DLG2: variants seen among roughly 807,000 people sequenced by gnomAD.
DLG2 encodes the protein discs large MAGUK scaffold protein 2, also known as disks large homolog 2.
Under a neutral mutation model 132.5 loss-of-function variants are expected in DLG2, and 45 were observed. The observed-to-expected ratio is 0.34, with a 90% CI of 0.27 to 0.44. The LOEUF is 0.44. DLG2 is among the 20% of genes least tolerant of loss of function. The probability of loss-of-function intolerance (pLI) is 1.00; values close to 1 mark genes in which losing one functional copy is unlikely to be tolerated. For missense variants in DLG2, 1,045 were observed against 1,196.9 expected (o/e 0.87, Z 1.87); for synonymous variants, 424 against 419.6 (o/e 1.01, Z -0.13).
chr11:83,682,355 CAG>C (rs1387543553), intron 18 of DLG2: 3 of 985,406 alleles, frequency 3.0e-6, no homozygotes, highest in Non-Finnish European at 3.6e-6. Flanking sequence ...TTTTACATCA[CAG>C]GGGGTGACCA....
intron 18 of DLG2, among the ~76,000 whole-genome samples, chr11:83,633,986 C>T (rs2064143836): frequency 6.6e-6 from 1 of 151,778 alleles, no homozygotes; most frequent in Non-Finnish European, 1.5e-5. Flanking sequence ...AAAAAAAACT[C>T]CATGGGAATC....
chr11:84,581,357 A>C (rs751778062), intron 6 of DLG2, among the ~76,000 whole-genome samples: 3 of 152,100 alleles, frequency 2.0e-5, no homozygotes, highest in Non-Finnish European at 4.4e-5. Context: ...ACTATATACT[A>C]TATTTATTTC....
Position 85,001,773 on chromosome 11 carries a change from G to C in DLG2, c.357+109888C>G, listed in dbSNP as rs943046185. Among the ~76,000 whole-genome samples, 3 of 152,276 alleles carry C rather than the reference G, an allele frequency of 2.0e-5. No homozygotes were observed. In the South Asian group the frequency reaches 6.2e-4, roughly 32 times the overall value. ...TAAACTATTGACTTTGGGTGATAAC[G>C]ATGTGTCAATATAGGTTCATTAACT... is the stretch of plus-strand genomic sequence containing the variant. On this transcript the variant is annotated intron_variant, in intron 6 of 27. Transcript: ENST00000376104.
intron 6 of DLG2, among the ~76,000 whole-genome samples, chr11:84,539,175 A>G (rs868153039): frequency 6.6e-6 from 1 of 152,138 alleles, no homozygotes; most frequent in South Asian, 2.1e-4. Flanking sequence ...TCTTTATCTT[A>G]GACTCAGATA....
At position 84,113,717 on chromosome 11, in the gene DLG2, T is replaced by C. The variant is rs1014896541; in HGVS notation, c.625-14670A>G. Among the ~76,000 whole-genome samples, 56 of 152,188 alleles carry C rather than the reference T, an allele frequency of 3.7e-4. 1 individual carries two copies. The highest frequency in any genetic ancestry group is 1.3e-3 in the African/African-American group (55 of 41,464). On this transcript the variant is annotated intron_variant, in intron 9 of 27. Transcript: ENST00000376104. ...TCAGTGAATCAATAAATCAGTAATT[T>C]TCAATCAACCAATACATATTATACA... is the stretch of plus-strand genomic sequence containing the variant.
At chr11:83,969,261 C>G (rs1184856075) in intron 12 of DLG2, among the ~76,000 whole-genome samples, 1 of 152,162 alleles carries the variant, frequency 6.6e-6, no homozygotes, top group Non-Finnish European at 1.5e-5. Flanking sequence ...TCATTAAAAG[C>G]TAGGGCTCAT....
chr11:85,488,089 AC>A (rs2093471705), intron 3 of DLG2, among the ~76,000 whole-genome samples: 1 of 152,172 alleles, frequency 6.6e-6, no homozygotes, highest in African/African-American at 2.4e-5. Context: ...CTTGACACTG[AC>A]ATGTAAGAAG....
At chr11:85,033,902 TA>T (rs147099975) in intron 6 of DLG2, among the ~76,000 whole-genome samples, 182 of 151,976 alleles carry the variant, frequency 1.2e-3, no homozygotes, top group African/African-American at 4.2e-3. Flanking sequence ...GAATTTTTGT[TA>T]AAAAAAATAA....
At chr11:84,319,474 A>T (rs1290877556) in intron 7 of DLG2, among the ~76,000 whole-genome samples, 7 of 152,186 alleles carry the variant, frequency 4.6e-5, no homozygotes, top group African/African-American at 1.7e-4. Context: ...GCCCATTGGC[A>T]TCTTCAGGGA....
intron 19 of DLG2, among the ~76,000 whole-genome samples, chr11:83,625,628 C>A (rs534294673): frequency 6.6e-6 from 1 of 152,178 alleles, no homozygotes; most frequent in African/African-American, 2.4e-5. Context: ...AGGAATAGAA[C>A]GACTAACTGT....
At chr11:85,607,962 G>GT (rs2080709208) in intron 2 of DLG2, among the ~76,000 whole-genome samples, 2 of 152,132 alleles carry the variant, frequency 1.3e-5, no homozygotes, top group Non-Finnish European at 2.9e-5. Context: ...TTCAGTAAAG[G>GT]TGACTACATT....
At chr11:84,034,243 T>C (rs921555095) in intron 11 of DLG2, among the ~76,000 whole-genome samples, 14 of 152,256 alleles carry the variant, frequency 9.2e-5, no homozygotes, top group African/African-American at 3.1e-4. Context: ...GATGATTGAC[T>C]CACTGAAGGT....
chr11:84,514,182 C>T (rs1189106896), intron 7 of DLG2, among the ~76,000 whole-genome samples: 1 of 151,992 alleles, frequency 6.6e-6, no homozygotes, highest in Non-Finnish European at 1.5e-5. Flanking sequence ...ATCCAAAAGT[C>T]AGGTAATAAC....
At chr11:84,997,426 G>A (rs2057764244) in intron 6 of DLG2, 1 of 152,166 alleles carries the variant, frequency 6.6e-6, no homozygotes, top group South Asian at 2.1e-4. Context: ...CCTGTCTTAT[G>A]TGCCCATCCT....
At chr11:85,600,825 T>C (rs2080102674) in intron 2 of DLG2, among the ~76,000 whole-genome samples, 1 of 152,242 alleles carries the variant, frequency 6.6e-6, no homozygotes, top group African/African-American at 2.4e-5. Flanking sequence ...CTAATATCAA[T>C]GTAACAGCAA....
chr11:85,336,545 T>A, intron 3 of DLG2: 1 of 160,482 alleles, frequency 6.2e-6, no homozygotes, highest in Non-Finnish European at 1.4e-5. Flanking sequence ...TCCACTTCTC[T>A]GAGACCTCAG....
intron 8 of DLG2, among the ~76,000 whole-genome samples, chr11:84,246,878 T>A (rs1366817260): frequency 6.6e-6 from 1 of 151,994 alleles, no homozygotes; most frequent in Non-Finnish European, 1.5e-5. Flanking sequence ...TGCCGCTGAT[T>A]TTTTTTTGGT....
At chr11:83,653,067 A>G (rs138266802) in intron 18 of DLG2, among the ~76,000 whole-genome samples, 1 of 152,350 alleles carries the variant, frequency 6.6e-6, no homozygotes, top group East Asian at 1.9e-4. Context: ...CCCCAATCTA[A>G]TAACTTCCCA....
chr11:85,161,390 C>G (rs1176126913), intron 4 of DLG2, among the ~76,000 whole-genome samples: 1 of 152,168 alleles, frequency 6.6e-6, no homozygotes, highest in Admixed American at 6.5e-5. Flanking sequence ...GTCCAATTTG[C>G]CAGCAGCAGA....
Sources: allele counts gnomAD v4.1 joint callset (sites outside exome capture counted in the v4.1 genomes callset), GRCh38; gene constraint gnomAD v4.1.1; transcripts MANE v1.5; gene names NCBI Gene and HGNC (gene_info 2026-07-23, HGNC 2026-07-21).